Variants in NDUFAF2 observed in about 807,000 individuals in gnomAD.
NDUFAF2 encodes the protein NADH dehydrogenase [ubiquinone] 1 alpha subcomplex assembly factor 2.
A neutral mutation model predicts 22.8 loss-of-function variants in NDUFAF2; 13 were observed. The ratio of observed to expected loss-of-function variants is 0.57; its 90% CI spans 0.37 to 0.91. The LOEUF (loss-of-function observed/expected upper bound fraction) is 0.91. NDUFAF2 is among the 40% of genes least tolerant of loss of function. The probability of loss-of-function intolerance (pLI) is 0.01; values close to 1 mark genes in which losing one functional copy is unlikely to be tolerated. For synonymous variants in NDUFAF2, 53 were observed against 64.2 expected (o/e 0.83, Z 0.84); for missense variants, 162 against 195.2 (o/e 0.83, Z 1.01).
intron 1 of NDUFAF2, among the ~76,000 whole-genome samples, chr5:60,960,312 A>G (rs890173226): frequency 6.6e-6 from 1 of 152,220 alleles, no homozygotes; most frequent in African/African-American, 2.4e-5. Context: ...CACTATGCCT[A>G]GCATTTGTTG....
intron 1 of NDUFAF2, among the ~76,000 whole-genome samples, chr5:61,064,308 G>C (rs998844841): frequency 6.6e-6 from 1 of 152,072 alleles, no homozygotes; most frequent in Non-Finnish European, 1.5e-5. Flanking sequence ...GGAGACTTTA[G>C]TACCCCCACA....
chr5:61,036,665 A>T (rs574834213), intron 1 of NDUFAF2, among the ~76,000 whole-genome samples: 2 of 152,212 alleles, frequency 1.3e-5, no homozygotes, highest in Non-Finnish European at 2.9e-5. Flanking sequence ...TACTGGAAGG[A>T]TGACAGCAGG....
At chr5:61,110,959 A>C (rs563295305) in intron 3 of NDUFAF2, among the ~76,000 whole-genome samples, 34 of 151,966 alleles carry the variant, frequency 2.2e-4, no homozygotes, top group African/African-American at 7.7e-4. Context: ...TATAGCTATA[A>C]ATTTTTCTCT....
At chr5:61,028,178 A>G (rs1045324329) in intron 1 of NDUFAF2, among the ~76,000 whole-genome samples, 12 of 152,112 alleles carry the variant, frequency 7.9e-5, no homozygotes, top group African/African-American at 2.9e-4. Context: ...ATTTGAAAAG[A>G]AACCTGAGTG....
chr5:61,114,293 C>T (rs1040985762), intron 3 of NDUFAF2: 1 of 152,074 alleles, frequency 6.6e-6, no homozygotes, highest in African/African-American at 2.4e-5. Flanking sequence ...CTTTCTTCTG[C>T]TTATCATTTC....
chr5:61,125,695 T>G (rs1050530722), intron 3 of NDUFAF2, among the ~76,000 whole-genome samples: 9 of 152,044 alleles, frequency 5.9e-5, no homozygotes, highest in Admixed American at 3.9e-4. Flanking sequence ...TCAAAGTAAT[T>G]AAATTCATTC....
At chr5:61,036,812 A>T (rs779882630) in intron 1 of NDUFAF2, among the ~76,000 whole-genome samples, 6 of 152,166 alleles carry the variant, frequency 3.9e-5, no homozygotes, top group African/African-American at 1.4e-4. Flanking sequence ...CCAACAAAAT[A>T]AATTCTCTAA....
At chr5:61,100,963 A>G (rs956511992) in intron 3 of NDUFAF2, among the ~76,000 whole-genome samples, 13 of 151,952 alleles carry the variant, frequency 8.6e-5, no homozygotes, top group Admixed American at 3.3e-4. Context: ...TGCTTTCCCA[A>G]ATTTTAGCTT....
At chr5:61,149,335 A>G (rs905079988) in intron 3 of NDUFAF2, among the ~76,000 whole-genome samples, 7 of 152,184 alleles carry the variant, frequency 4.6e-5, no homozygotes, top group African/African-American at 1.4e-4. Context: ...GAAACATAAT[A>G]CTGTTATGAG....
chr5:61,138,952 T>C (rs1741007932), intron 3 of NDUFAF2, among the ~76,000 whole-genome samples: 1 of 152,348 alleles, frequency 6.6e-6, no homozygotes, highest in East Asian at 1.9e-4. Context: ...TATATTATTC[T>C]GGAGCTTGGG....
chr5:60,995,991 A>G (rs1561537585), intron 1 of NDUFAF2, among the ~76,000 whole-genome samples: 1 of 152,132 alleles, frequency 6.6e-6, no homozygotes, highest in African/African-American at 2.4e-5. Flanking sequence ...AGGTCTCTTA[A>G]GTCTGCTTTT....
intron 1 of NDUFAF2, among the ~76,000 whole-genome samples, chr5:60,962,009 C>A (rs910269324): frequency 2.6e-5 from 4 of 151,430 alleles, no homozygotes; most frequent in African/African-American, 9.7e-5. Flanking sequence ...CTATTTTTTC[C>A]TCCAGCTTTA....
intron 1 of NDUFAF2, among the ~76,000 whole-genome samples, chr5:60,961,115 C>T (rs1396003519): frequency 2.0e-5 from 3 of 151,964 alleles, no homozygotes; most frequent in African/African-American, 7.3e-5. Flanking sequence ...GGATGAAGTT[C>T]GATTTGCTCT....
At chr5:61,064,057 T>A (rs1752199698) in intron 1 of NDUFAF2, among the ~76,000 whole-genome samples, 2 of 152,084 alleles carry the variant, frequency 1.3e-5, no homozygotes, top group Admixed American at 1.3e-4. Flanking sequence ...AAGAAGATAT[T>A]CCATTTAATG....
chr5:61,135,524 G>C (rs1413947353), intron 3 of NDUFAF2, among the ~76,000 whole-genome samples: 2 of 152,034 alleles, frequency 1.3e-5, no homozygotes, highest in African/African-American at 2.4e-5. Flanking sequence ...ATATTAATTG[G>C]TCATGTGTGA....
intron 2 of NDUFAF2, among the ~76,000 whole-genome samples, chr5:61,093,362 G>A (rs1166468282): frequency 6.6e-6 from 1 of 152,154 alleles, no homozygotes; most frequent in Non-Finnish European, 1.5e-5. Context: ...AATGCTTCTA[G>A]CTTTTGCCCA....
intron 2 of NDUFAF2, chr5:61,083,119 A>T (rs904548708): frequency 3.3e-5 from 5 of 152,004 alleles, no homozygotes; most frequent in Non-Finnish European, 7.4e-5. Flanking sequence ...CATTTCTCAG[A>T]TGATTAGTCA....
Position 61,106,173 on chromosome 5 carries a change from A to C in NDUFAF2, c.258+7141A>C, listed in dbSNP as rs575927413. On this transcript the variant is annotated intron_variant, in intron 3 of 3. Coordinates refer to ENST00000296597, the MANE Select transcript of NDUFAF2 (RefSeq NM_174889.5). ...CAGCAGATACTAAAATCATTGAGTC[A>C]AACTCTGTTGGGGAGCAGGCTGTTT... Among the ~76,000 whole-genome samples the C allele has an allele frequency of 2.0e-5, 3 of 151,612 alleles. No homozygotes were observed. In the East Asian group the frequency reaches 5.8e-4, roughly 29 times the overall value.
intron 2 of NDUFAF2, among the ~76,000 whole-genome samples, chr5:61,087,074 T>C (rs956468830): frequency 1.3e-5 from 2 of 152,138 alleles, no homozygotes; most frequent in Non-Finnish European, 2.9e-5. Flanking sequence ...TTTAGAAATA[T>C]GGGACCTTTG....
Sources: gnomAD v4.1 joint callset for allele counts (sites outside exome capture counted in the v4.1 genomes callset) on GRCh38, gnomAD v4.1.1 for gene constraint, MANE v1.5 for transcripts, NCBI Gene and HGNC (gene_info 2026-07-23, HGNC 2026-07-21) for gene names.